LRRK1: variants seen among roughly 807,000 people sequenced by gnomAD.
LRRK1 encodes leucine rich repeat kinase 1.
LRRK1 carries 113 observed loss-of-function variants against 209.1 expected under a neutral mutation model. The observed-to-expected ratio is 0.54, with a 90% CI of 0.46 to 0.63. The LOEUF is 0.63. LRRK1 is among the 30% of genes least tolerant of loss of function. LRRK1 has a pLI of 0.00. For synonymous variants in LRRK1, 1,144 were observed against 1,099.7 expected (o/e 1.04, Z -0.80); for missense variants, 2,284 against 2,632.2 (o/e 0.87, Z 2.89).
At chr15:100,923,719 G>A (rs181711137) in intron 1 of LRRK1, among the ~76,000 whole-genome samples, 1 of 152,288 alleles carries the variant, frequency 6.6e-6, no homozygotes, top group African/African-American at 2.4e-5. Flanking sequence ...TCAGAGATTA[G>A]TCTAACTCCA....
intron 12 of LRRK1, among the ~76,000 whole-genome samples, chr15:101,019,193 C>G (rs1312835467): frequency 6.6e-6 from 1 of 152,158 alleles, no homozygotes; most frequent in Admixed American, 6.5e-5. Context: ...GCTCATTATT[C>G]CAGCCATCTC....
At chr15:101,035,193 T>C (rs556732916) in intron 20 of LRRK1, among the ~76,000 whole-genome samples, 2 of 152,234 alleles carry the variant, frequency 1.3e-5, no homozygotes, top group South Asian at 4.1e-4. Context: ...CTCAAGTCAT[T>C]TAAATCCAAT....
chr15:101,006,869 A>G, intron 6 of LRRK1, among the ~76,000 whole-genome samples: 1 of 152,346 alleles, frequency 6.6e-6, no homozygotes, highest in East Asian at 1.9e-4. Flanking sequence ...ATTTTTCAAA[A>G]TTAAAATGTG....
At chr15:100,932,734 A>G (rs987989314) in intron 2 of LRRK1, among the ~76,000 whole-genome samples, 2 of 152,172 alleles carry the variant, frequency 1.3e-5, no homozygotes, top group Non-Finnish European at 2.9e-5. Flanking sequence ...TCATTTCTCA[A>G]TGTAAAGAAG....
rs1304862195 is a variant in LRRK1, at chr15:101,027,749, G to A, written c.2638G>A (p.Glu880Lys). 6.2e-7 allele frequency: 1 copy of A among 1,606,160 alleles called. No individual in the cohort carries two copies. Among genetic ancestry groups the A allele is most frequent in the South Asian group, 1.1e-5 (1 of 89,506 alleles). Residue 880 changes from glutamate to lysine, a missense_variant, in exon 19 of 34, where the codon GAG becomes AAG. Around this residue, in one of 6 missense-constraint regions of LRRK1, gnomAD observed 780 missense variants for 985.2 expected, o/e 0.79. Coordinates refer to ENST00000388948, the MANE Select transcript of LRRK1 (RefSeq NM_024652.6). The surrounding 1 kb of genome is among the most constrained non-coding windows in gnomAD (Gnocchi z 5.1). ...GGACAGGCAGCTGGAGCAGCTGGTG[G>A]AGCAGACGCCCGACAACGACATCAA... is the stretch of plus-strand genomic sequence containing the variant. ...LTDRQLEQLV[E>K]QTPDNDIKDY...
chr15:100,922,531 T>C (rs913477854), intron 1 of LRRK1, among the ~76,000 whole-genome samples: 4 of 152,130 alleles, frequency 2.6e-5, no homozygotes, highest in South Asian at 2.1e-4. Context: ...TGAAATGCTG[T>C]TGGTTATGTG....
chr15:100,943,235 T>C (rs1333606575), intron 2 of LRRK1, among the ~76,000 whole-genome samples: 6 of 152,188 alleles, frequency 3.9e-5, no homozygotes, highest in Admixed American at 3.9e-4. Context: ...TGCTGAGTCA[T>C]TGTTTTCTGC....
Position 101,076,950 on chromosome 15 carries a change from A to C in LRRK1, c.*8102A>C, listed in dbSNP as rs1596378327. ...CCACCTCTATACTGTCTGATAACAG[A>C]CCAGCCTTTATTAGTCAAATCAGCC... On this transcript the variant is annotated 3_prime_UTR_variant, in exon 34 of 34. Coordinates refer to ENST00000388948, the MANE Select transcript of LRRK1 (RefSeq NM_024652.6). The C allele has an allele frequency of 6.6e-6, 1 of 152,190 alleles. No homozygotes were observed. The highest frequency in any genetic ancestry group is 6.5e-5 in the Admixed American group (1 of 15,274). The allele number at this position is 152,190 out of a possible 1,614,324, so 9.4% of individuals were successfully genotyped here.
chr15:101,046,158 A>G lies in LRRK1; in HGVS notation c.3135+6A>G. On this transcript the variant is annotated splice_donor_region_variant and intron_variant, in intron 21 of 33. Transcript: ENST00000388948. ...TGGCGGAGATGGACCTGCAGGTATT[A>G]TGGCTGCGGTTTCTGCATAGACAGA... 1 of 1,613,906 alleles carries G rather than the reference A, an allele frequency of 6.2e-7. No homozygotes were observed. The highest frequency in any genetic ancestry group is 8.5e-7 in the Non-Finnish European group (1 of 1,179,864).
chr15:100,957,171 C>G (rs2042782473), intron 2 of LRRK1, among the ~76,000 whole-genome samples: 1 of 152,162 alleles, frequency 6.6e-6, no homozygotes, highest in African/African-American at 2.4e-5. Context: ...GATAATATTT[C>G]CATCATCTTA....
intron 2 of LRRK1, among the ~76,000 whole-genome samples, chr15:100,941,456 C>CTGTGTGTGTGTGTG (rs1567191180): frequency 7.1e-4 from 4 of 5,640 alleles, no homozygotes; most frequent in African/African-American, 1.0e-3. Context: ...CTGTGTGTGT[C>CTGTGTGTGTGTGTG]TATGTCTCTG....
rs189405593 is a variant in LRRK1, at chr15:101,001,296, G to A, written c.763-7541G>A. Among the ~76,000 whole-genome samples, 36 of 152,084 alleles carry A rather than the reference G, an allele frequency of 2.4e-4. No homozygotes were observed. In the East Asian group the frequency reaches 4.6e-3, roughly 20 times the overall value. ...AATTTACCTTCAGCTTGTGGGCGTC[G>A]GTGCACAGACGCTCTCTGCAGCCAT... On this transcript the variant is annotated intron_variant, in intron 6 of 33. Coordinates refer to ENST00000388948, the MANE Select transcript of LRRK1 (RefSeq NM_024652.6).
intron 27 of LRRK1, 100 bp from the exon 28 acceptor site, chr15:101,056,756 C>A: frequency 2.3e-6 from 2 of 884,634 alleles, no homozygotes; most frequent in Non-Finnish European, 3.4e-6. Context: ...TGTTTGTTTT[C>A]CTTGTCTAAT....
rs145142936 is a variant in LRRK1 at position 100,979,586 on chromosome 15, C to T, written c.262-3942C>T. Among the ~76,000 whole-genome samples, 1,235 of 151,990 alleles carry T rather than the reference C, an allele frequency of 8.1e-3. 17 individuals are homozygous for T. Among genetic ancestry groups the T allele is most frequent in the African/African-American group, 0.028 (1,171 of 41,488 alleles). ...TGAAAGAAAAATTGGTAAACTGGACCTCACCAAGATTAAAAACTTTTCTCT... is the reference window on the plus strand; with the variant it reads ...TGAAAGAAAAATTGGTAAACTGGACTTCACCAAGATTAAAAACTTTTCTCT... On this transcript the variant is annotated intron_variant, in intron 3 of 33. Coordinates refer to ENST00000388948, the MANE Select transcript of LRRK1 (RefSeq NM_024652.6).
At chr15:101,057,157 C>A (rs1416599765) in intron 28 of LRRK1, 107 bp downstream of exon 28, 6 of 886,370 alleles carry the variant, frequency 6.8e-6, no homozygotes, top group South Asian at 1.8e-5. Context: ...CATTGGCAAC[C>A]CTTCTCTGCT....
At chr15:100,958,620 G>C (rs2141631462) in intron 2 of LRRK1, among the ~76,000 whole-genome samples, 1 of 152,298 alleles carries the variant, frequency 6.6e-6, no homozygotes, top group South Asian at 2.1e-4. Flanking sequence ...TTTTCAGAGA[G>C]GGGCCAAATT....
intron 5 of LRRK1, 90 bp downstream of exon 5, chr15:100,988,903 G>C: frequency 1.8e-6 from 2 of 1,125,940 alleles, no homozygotes; most frequent in South Asian, 3.2e-5. Flanking sequence ...CTCACTCTTG[G>C]CTCTCAAATC....
At chr15:101,017,453 C>G (rs949908156) in intron 12 of LRRK1, among the ~76,000 whole-genome samples, 2 of 152,162 alleles carry the variant, frequency 1.3e-5, no homozygotes, top group Admixed American at 6.5e-5. Flanking sequence ...CCCAGCGCCC[C>G]CCAGGAAGCG....
chr15:101,065,878 C>T lies in LRRK1; in HGVS notation c.5441C>T (p.Ala1814Val), dbSNP rs1349850721. 3 of 1,614,164 alleles carry T rather than the reference C, an allele frequency of 1.9e-6. No individual in the cohort carries two copies. The highest frequency in any genetic ancestry group is 2.2e-5 in the East Asian group (1 of 44,884). Residue 1814 changes from alanine (A) to valine (V), a missense_variant, in exon 32 of 34, where the codon GCG becomes GTG. Around this residue, in one of 6 missense-constraint regions of LRRK1, gnomAD observed 643 missense variants for 695.9 expected, o/e 0.92. Transcript: ENST00000388948. The part of the protein sequence containing the change: ...NPKVPEGDSI[A>V]DVSIMYSEEL... ...AAGGTGCCTGAGGGGGACTCCATCG[C>T]GGACGTGAGCATCATGTACAGTGAG...
Sources: gnomAD v4.1 joint callset for allele counts (sites outside exome capture counted in the v4.1 genomes callset) on GRCh38, gnomAD v4.1.1 for gene constraint, gnomAD v4.1.1 regional missense constraint, Gnocchi (gnomAD v3.1) non-coding constraint, MANE v1.5 for transcripts, NCBI Gene and HGNC (gene_info 2026-07-23, HGNC 2026-07-21) for gene names.